The following SERPINE2 variants were observed in gnomAD, a reference collection of about 807,000 sequenced individuals.
SERPINE2 encodes glia-derived nexin.
A neutral mutation model predicts 36.3 loss-of-function variants in SERPINE2; 14 were observed. The ratio of observed to expected loss-of-function variants is 0.39; its 90% confidence interval spans 0.25 to 0.60. The LOEUF is 0.60. Among genes scored for constraint, SERPINE2 ranks in the 20% least tolerant of loss-of-function variants. The probability of loss-of-function intolerance (pLI) is 0.57; values close to 1 mark genes in which losing one functional copy is unlikely to be tolerated. For synonymous variants in SERPINE2, 192 were observed against 191.8 expected, an observed-to-expected ratio of 1.00 and a Z score of -0.01; for missense variants, 418 against 499.6, an observed-to-expected ratio of 0.84 and a Z score of 1.56.
At chr2:224,019,591 T>C (rs1048832976) in intron 1 of SERPINE2, among the ~76,000 whole-genome samples, 2 of 147,440 alleles carry the variant, frequency 1.4e-5, no homozygotes, top group Non-Finnish European at 3.0e-5. Context: ...CACCCCAGCC[T>C]CCAGCATGGC....
At position 224,001,656 on chromosome 2, in the gene SERPINE2, C is replaced by CT. The variant is rs1486224723; in HGVS notation, c.244dup (p.Arg82LysfsTer9). 1 of 1,613,762 alleles carries CT rather than the reference C, an allele frequency of 6.2e-7. No homozygotes were observed. The highest frequency in any genetic ancestry group is 8.5e-7 in the Non-Finnish European group (1 of 1,179,978). Reference sequence around the variant, plus strand: ...TGCACACGCACCATTTACGCCGTATCTCATCACCATGGCGAGCTGCTTCTT... The same window carrying CT: ...TGCACACGCACCATTTACGCCGTATCTTCATCACCATGGCGAGCTGCTTCTT... On this transcript the variant is annotated frameshift_variant, in exon 2 of 9. Transcript: ENST00000409304. LOFTEE classifies it high-confidence loss of function.
At chr2:224,036,700 G>T (rs1421008865) in intron 1 of SERPINE2, among the ~76,000 whole-genome samples, 1 of 151,208 alleles carries the variant, frequency 6.6e-6, no homozygotes, top group East Asian at 1.9e-4. Context: ...ACTTTGAGGA[G>T]ACTCTGGCCA....
intron 1 of SERPINE2, among the ~76,000 whole-genome samples, chr2:224,018,414 T>C (rs964777082): frequency 1.3e-5 from 2 of 152,166 alleles, no homozygotes; most frequent in Non-Finnish European, 2.9e-5. Flanking sequence ...ATCACAGTTT[T>C]GTTTAGATGG....
At position 224,027,782 on chromosome 2, in the gene SERPINE2, T is replaced by C. The variant is rs114902146; in HGVS notation, c.-23+11317A>G. On this transcript the variant is annotated intron_variant, in intron 1 of 8. Coordinates refer to ENST00000409304, the MANE Select transcript of SERPINE2 (RefSeq NM_001136528.2). ...TCTACCTAAATAAACCCCTCAAAGA[T>C]TGGCCTGTTTTGCAGATACTTCTGT... Among the ~76,000 whole-genome samples the C allele has an allele frequency of 3.7e-3, 567 of 152,226 alleles. 4 individuals carry two copies. The highest frequency in any genetic ancestry group is 0.013 in the African/African-American group (542 of 41,516).
intron 1 of SERPINE2, 67 bp from the exon 2 acceptor site, chr2:224,001,989 TTC>T: frequency 5.9e-6 from 8 of 1,360,312 alleles, no homozygotes; most frequent in East Asian, 2.5e-5. Flanking sequence ...TTTTTTTTTT[TTC>T]CCCCAGATAG....
intron 3 of SERPINE2, among the ~76,000 whole-genome samples, chr2:223,996,342 G>A (rs1690887889): frequency 6.6e-6 from 1 of 152,124 alleles, no homozygotes; most frequent in Admixed American, 6.5e-5. Context: ...CCAGACACCT[G>A]GAGACTCCAC....
At chr2:224,031,339 T>C (rs1692357969) in intron 1 of SERPINE2, 1 of 985,372 alleles carries the variant, frequency 1.0e-6, no homozygotes, top group Non-Finnish European at 1.2e-6. Flanking sequence ...GGGAATGATA[T>C]CAGCATCTAG....
At chr2:223,987,135 T>C (rs1337536414) in intron 4 of SERPINE2, among the ~76,000 whole-genome samples, 1 of 152,184 alleles carries the variant, frequency 6.6e-6, no homozygotes, top group African/African-American at 2.4e-5. Context: ...TCTTAGTTTC[T>C]TTATCTGTAA....
intron 4 of SERPINE2, among the ~76,000 whole-genome samples, chr2:223,986,467 AGAAAC>A (rs1475541077): frequency 6.6e-6 from 1 of 152,172 alleles, no homozygotes; most frequent in Non-Finnish European, 1.5e-5. Context: ...TGGTCTCAGC[AGAAAC>A]GGAAAAATCA....
intron 3 of SERPINE2, among the ~76,000 whole-genome samples, chr2:223,997,636 A>C (rs12472341): frequency 0.26 from 40,037 of 152,040 alleles, 6,414 homozygotes; most frequent in African/African-American, 0.46. Flanking sequence ...GGGGGGGTGT[A>C]AAAGTTGTAA....
In SERPINE2 at chr2:223,991,813, C is replaced by A. The variant is rs1690684111; in HGVS notation, c.675G>T (p.Val225=). The part of the protein sequence containing the change: ...YQVPMLAQLS[V]FRCGSTSAPN... Reference sequence around the variant, plus strand: ...TGAGCATGAACTCACCACACCGGAACACGGAGAGCTGGGCCAGCATTGGCA... The same window carrying A: ...TGAGCATGAACTCACCACACCGGAAAACGGAGAGCTGGGCCAGCATTGGCA... Residue 225 remains valine, a synonymous_variant, in exon 4 of 9, where the codon GTG becomes GTT. Coordinates refer to ENST00000409304, the MANE Select transcript of SERPINE2 (RefSeq NM_001136528.2). The A allele has an allele frequency of 7.4e-6, 12 of 1,613,928 alleles. No individual in the cohort carries two copies. Among genetic ancestry groups the A allele is most frequent in the Non-Finnish European group, 1.0e-5 (12 of 1,180,026 alleles).
intron 1 of SERPINE2, chr2:224,031,455 T>C (rs2106202732): frequency 1.0e-6 from 1 of 985,568 alleles, no homozygotes. Context: ...TCCTCTCCAC[T>C]CCCTTTCCTC....
At position 224,001,275 on chromosome 2, in the gene SERPINE2, C is replaced by T. The variant is rs181630681; in HGVS notation, c.259+367G>A. On this transcript the variant is annotated intron_variant, in intron 2 of 8. Coordinates refer to ENST00000409304, the MANE Select transcript of SERPINE2 (RefSeq NM_001136528.2). Reference sequence around the variant, plus strand: ...GCCCTCCACAGCCACCCCTTCCCAGCTCCTCTCACAGGCTTCACAAGCACA... The same window carrying T: ...GCCCTCCACAGCCACCCCTTCCCAGTTCCTCTCACAGGCTTCACAAGCACA... Among the ~76,000 whole-genome samples the T allele has an allele frequency of 2.0e-5, 3 of 152,340 alleles. No individual in the cohort carries two copies. The South Asian group carries it at 6.2e-4, about 32-fold the overall frequency.
chr2:224,029,251 T>A (rs927727881), intron 1 of SERPINE2, among the ~76,000 whole-genome samples: 2 of 152,216 alleles, frequency 1.3e-5, no homozygotes, highest in African/African-American at 4.8e-5. Context: ...AAGCTCTCCC[T>A]TACAATTAAG....
chr2:224,015,908 G>T (rs1016123813), intron 1 of SERPINE2, among the ~76,000 whole-genome samples: 1 of 152,096 alleles, frequency 6.6e-6, no homozygotes, highest in Admixed American at 6.5e-5. Flanking sequence ...CTAGTATCTA[G>T]ACTACACAGA....
intron 1 of SERPINE2, among the ~76,000 whole-genome samples, chr2:224,013,550 G>C (rs1691700671): frequency 6.6e-6 from 1 of 152,194 alleles, no homozygotes; most frequent in Admixed American, 6.5e-5. Context: ...GGTTTAGAAA[G>C]CTCCCAGGGA....
intron 1 of SERPINE2, among the ~76,000 whole-genome samples, chr2:224,023,008 G>C (rs1415835353): frequency 1.3e-5 from 2 of 152,168 alleles, no homozygotes; most frequent in Non-Finnish European, 2.9e-5. Context: ...CACCATGATT[G>C]TAAGTTTCCT....
intron 1 of SERPINE2, among the ~76,000 whole-genome samples, chr2:224,031,923 C>A (rs1476512340): frequency 6.6e-6 from 1 of 152,080 alleles, no homozygotes; most frequent in Admixed American, 6.6e-5. Flanking sequence ...GAGAAGAAAG[C>A]CTCCAAGTCC....
chr2:224,036,899 A>G (rs183060319), intron 1 of SERPINE2, among the ~76,000 whole-genome samples: 34 of 151,640 alleles, frequency 2.2e-4, no homozygotes, highest in African/African-American at 7.8e-4. Context: ...AACACTCACA[A>G]GGAGAGAGAG....
Sources: gnomAD v4.1 joint callset for allele counts (sites outside exome capture counted in the v4.1 genomes callset) on GRCh38, gnomAD v4.1.1 for gene constraint, MANE v1.5 for transcripts, NCBI Gene and HGNC (gene_info 2026-07-23, HGNC 2026-07-21) for gene names.